Variants in CRYM observed in about 807,000 individuals in gnomAD.
CRYM encodes ketimine reductase mu-crystallin.
In CRYM, 18 loss-of-function variants were observed where a neutral mutation model predicts 32.9. That is an observed-to-expected ratio of 0.55 (90% CI 0.38 to 0.81). CRYM has a LOEUF of 0.81. Among genes scored for constraint, CRYM ranks in the 30% least tolerant of loss-of-function variants. The pLI is 0.00. For missense variants in CRYM, 337 were observed against 393.5 expected, an observed-to-expected ratio of 0.86 and a Z score of 1.21; for synonymous variants, 153 against 152.4, an observed-to-expected ratio of 1.00 and a Z score of -0.03.
At chr16:21,269,731 T>C (rs2093371022) in intron 4 of CRYM, 59 bp downstream of exon 4, 3 of 1,092,666 alleles carry the variant, frequency 2.7e-6, no homozygotes, top group East Asian at 2.4e-5. Context: ...TGAAGCAGTA[T>C]AGACAGGTCA....
Position 21,267,749 on chromosome 16 carries a change from G to A in CRYM, c.490-12C>T, listed in dbSNP as rs226052. The A allele has an allele frequency of 0.017, 27,258 of 1,613,984 alleles. 3,621 individuals carry two copies. In the African/African-American group the frequency reaches 0.3, roughly 18 times the overall value. Reference sequence around the variant, plus strand: ...TTCCATATCCTCACCTTCATTGGGAGTAACAAGAAGGATATTGGCGCCATT... The same window carrying A: ...TTCCATATCCTCACCTTCATTGGGAATAACAAGAAGGATATTGGCGCCATT... On this transcript the variant is annotated splice_polypyrimidine_tract_variant and intron_variant, in intron 4 of 7. Transcript: ENST00000572914.
intron 1 of CRYM, among the ~76,000 whole-genome samples, chr16:21,287,538 T>G (rs1314061905): frequency 6.6e-6 from 1 of 152,206 alleles, no homozygotes; most frequent in Non-Finnish European, 1.5e-5. Flanking sequence ...GAATCAACCA[T>G]GTGATGAGGA....
intron 1 of CRYM, chr16:21,284,111 C>G (rs1177029538): frequency 6.6e-6 from 1 of 152,038 alleles, no homozygotes; most frequent in Non-Finnish European, 1.5e-5. Context: ...CAAATGAAAA[C>G]CCATAGGGAC....
intron 7 of CRYM, among the ~76,000 whole-genome samples, 171 bp from the exon 8 acceptor site, chr16:21,259,016 C>T (rs2093349482): frequency 6.6e-6 from 1 of 152,052 alleles, no homozygotes; most frequent in African/African-American, 2.4e-5. Flanking sequence ...TGCAAAGGGG[C>T]AGAGAATATG....
intron 1 of CRYM, among the ~76,000 whole-genome samples, chr16:21,286,603 C>T (rs2093407764): frequency 6.6e-6 from 1 of 152,136 alleles, no homozygotes; most frequent in African/African-American, 2.4e-5. Context: ...TTACCGATAA[C>T]ATATACCAAG....
chr16:21,275,716 G>T, intron 2 of CRYM, 122 bp from the exon 3 acceptor site: 1 of 773,960 alleles, frequency 1.3e-6, no homozygotes. Flanking sequence ...CATGGGTTTG[G>T]CGTCAGACCT....
At chr16:21,279,680 G>A (rs528677463), upstream of CRYM, among the ~76,000 whole-genome samples, 1 of 152,306 alleles carries the variant, frequency 6.6e-6, no homozygotes, top group South Asian at 2.1e-4. Context: ...CGAGAGCAGA[G>A]CCTGGGAGAA....
chr16:21,262,556 T>C (rs574854786), intron 5 of CRYM, among the ~76,000 whole-genome samples: 13 of 152,072 alleles, frequency 8.5e-5, no homozygotes, highest in African/African-American at 2.9e-4. Flanking sequence ...GAGGCGGAGG[T>C]TGCAGTGAGC....
At chr16:21,262,205 G>A in intron 5 of CRYM, 47 bp from the exon 6 acceptor site, 1 of 1,612,806 alleles carries the variant, frequency 6.2e-7, no homozygotes, top group East Asian at 2.2e-5. Flanking sequence ...AGTGCCAAAG[G>A]CTGCTAAGAA....
chr16:21,293,416 C>T (rs1001392887), intron 1 of CRYM, among the ~76,000 whole-genome samples: 10 of 152,040 alleles, frequency 6.6e-5, no homozygotes, highest in African/African-American at 1.4e-4. Context: ...AAAGAGAATA[C>T]GGAACACAGT....
At chr16:21,296,316 T>C (rs1174089353) in intron 1 of CRYM, among the ~76,000 whole-genome samples, 1 of 152,142 alleles carries the variant, frequency 6.6e-6, no homozygotes, top group African/African-American at 2.4e-5. Flanking sequence ...GAAATGGAGA[T>C]TGGAAAAGAG....
intron 3 of CRYM, 69 bp from the exon 4 acceptor site, chr16:21,269,960 T>G: frequency 4.7e-6 from 5 of 1,065,638 alleles, no homozygotes; most frequent in Non-Finnish European, 7.3e-6. Flanking sequence ...ACTAAGATGG[T>G]TTGAGTATCA....
At chr16:21,280,269 A>G (rs2093395953), upstream of CRYM, among the ~76,000 whole-genome samples, 1 of 152,128 alleles carries the variant, frequency 6.6e-6, no homozygotes, top group Non-Finnish European at 1.5e-5. Flanking sequence ...AATCCCAGCT[A>G]CCCAGGAGGC....
At chr16:21,283,627 G>A (rs1597624668) in intron 1 of CRYM, 1 of 151,474 alleles carries the variant, frequency 6.6e-6, no homozygotes, top group Non-Finnish European at 1.5e-5. Context: ...CTCGGAAGCC[G>A]GAGAAGGGTG....
chr16:21,272,710 T>A (rs1480417485), intron 3 of CRYM, among the ~76,000 whole-genome samples: 4 of 150,382 alleles, frequency 2.7e-5, no homozygotes, highest in Non-Finnish European at 5.9e-5. Context: ...AGTGCAGTGG[T>A]GTGATCTTGG....
intron 5 of CRYM, among the ~76,000 whole-genome samples, chr16:21,263,294 G>A (rs2093357962): frequency 6.6e-6 from 1 of 152,114 alleles, no homozygotes; most frequent in Non-Finnish European, 1.5e-5. Context: ...CCAGCTACCT[G>A]GGAGGCTGAG....
chr16:21,287,790 A>G (rs2093409914), intron 1 of CRYM, among the ~76,000 whole-genome samples: 1 of 152,232 alleles, frequency 6.6e-6, no homozygotes. Context: ...TGCCCTGTGC[A>G]CTTCTTCATT....
At chr16:21,294,315 A>G (rs1960736971) in intron 1 of CRYM, among the ~76,000 whole-genome samples, 1 of 152,198 alleles carries the variant, frequency 6.6e-6, no homozygotes, top group South Asian at 2.1e-4. Context: ...GGTGCGGAGC[A>G]GAATTTATTC....
At chr16:21,263,353 A>G (rs1392939718) in intron 5 of CRYM, among the ~76,000 whole-genome samples, 1 of 152,074 alleles carries the variant, frequency 6.6e-6, no homozygotes, top group East Asian at 1.9e-4. Context: ...GCGAGCCAAG[A>G]CTGCGCCACT....
Sources: allele counts gnomAD v4.1 joint callset (sites outside exome capture counted in the v4.1 genomes callset), GRCh38; gene constraint gnomAD v4.1.1; transcripts MANE v1.5; gene names NCBI Gene and HGNC (gene_info 2026-07-23, HGNC 2026-07-21).